PLEK: variants seen among roughly 807,000 people sequenced by gnomAD.
The protein encoded by PLEK is pleckstrin.
Under a neutral mutation model 43.9 loss-of-function variants are expected in PLEK, and 25 were observed. The observed-to-expected ratio is 0.57, with a 90% CI of 0.41 to 0.79. PLEK has a LOEUF of 0.79. PLEK is among the 30% of genes least tolerant of loss of function. The probability of loss-of-function intolerance (pLI) is 0.00; values close to 1 mark genes in which losing one functional copy is unlikely to be tolerated. For missense variants in PLEK, 396 were observed against 413.3 expected (o/e 0.96, Z 0.36); for synonymous variants, 152 against 144.4 (o/e 1.05, Z -0.38).
At chr2:68,393,445 A>G (rs1194606042) in intron 7 of PLEK, among the ~76,000 whole-genome samples, 200 bp downstream of exon 7, 1 of 152,070 alleles carries the variant, frequency 6.6e-6, no homozygotes, top group Non-Finnish European at 1.5e-5. Context: ...TGAGGTCAGT[A>G]TAAGCTTAGG....
At chr2:68,367,254 T>TC (rs755027804) in intron 1 of PLEK, among the ~76,000 whole-genome samples, 4 of 11,400 alleles carry the variant, frequency 3.5e-4, no homozygotes, top group East Asian at 0.011. Flanking sequence ...TAAGATTCTC[T>TC]TTTTTTTTTT....
At chr2:68,374,408 G>C (rs1023099571) in intron 1 of PLEK, among the ~76,000 whole-genome samples, 9 of 152,194 alleles carry the variant, frequency 5.9e-5, no homozygotes, top group Non-Finnish European at 1.3e-4. Flanking sequence ...GATTAAGTGA[G>C]AGAAGTAACT....
At chr2:68,394,939 G>A (rs1673936221) in intron 8 of PLEK, among the ~76,000 whole-genome samples, 1 of 152,166 alleles carries the variant, frequency 6.6e-6, no homozygotes, top group African/African-American at 2.4e-5. Flanking sequence ...AATGCCTAGA[G>A]TTTTACTGTG....
Position 68,380,833 on chromosome 2 carries a change from T to G in PLEK, c.309T>G (p.Ile103Met), listed in dbSNP as rs771275784. 3.6e-5 allele frequency: 58 copies of G among 1,613,932 alleles called. No homozygotes were observed. In the Admixed American group the frequency reaches 9.7e-4, roughly 27 times the overall value. ...VRDIKKAIKC[I>M]EGGQKFARKS... is the part of the protein sequence containing the mutation. ...ATATCAAGAAGGCCATTAAATGCAT[T>G]GAAGGAGGCCAGAAATTTGCCAGGA... The change falls in exon 3 of 9, where the codon ATT (isoleucine) becomes ATG (methionine). Residue 103 changes from isoleucine to methionine, a missense_variant. By Grantham distance (10) the Ile-to-Met change is conservative. Coordinates refer to ENST00000234313, the MANE Select transcript of PLEK (RefSeq NM_002664.3).
intron 5 of PLEK, 83 bp downstream of exon 5, chr2:68,386,769 T>C: frequency 9.3e-7 from 1 of 1,080,862 alleles, no homozygotes; most frequent in Admixed American, 2.0e-5. Context: ...CATAGACATC[T>C]ATAGAGCGCT....
intron 3 of PLEK, 74 bp from the exon 4 acceptor site, chr2:68,382,468 C>T: frequency 1.2e-6 from 1 of 850,340 alleles, no homozygotes; most frequent in Non-Finnish European, 1.9e-6. Context: ...ACTTACCATT[C>T]TGAAATGTTC....
At chr2:68,389,235 A>G (rs1364123962) in intron 6 of PLEK, among the ~76,000 whole-genome samples, 3 of 152,238 alleles carry the variant, frequency 2.0e-5, no homozygotes, top group African/African-American at 7.2e-5. Flanking sequence ...GCAGGAAGAC[A>G]TGAGAATATT....
chr2:68,367,177 C>T (rs1272670683), intron 1 of PLEK, among the ~76,000 whole-genome samples: 1 of 151,954 alleles, frequency 6.6e-6, no homozygotes, highest in African/African-American at 2.4e-5. Context: ...TTCATGTTTA[C>T]AAGTTACATC....
intron 1 of PLEK, among the ~76,000 whole-genome samples, chr2:68,378,406 G>A (rs1331281597): frequency 2.6e-5 from 4 of 152,128 alleles, no homozygotes; most frequent in Non-Finnish European, 4.4e-5. Flanking sequence ...GAGGCAGGCC[G>A]GATTCTTCAC....
intron 8 of PLEK, among the ~76,000 whole-genome samples, chr2:68,394,915 A>G (rs1673935870): frequency 6.6e-6 from 1 of 152,186 alleles, no homozygotes; most frequent in Non-Finnish European, 1.5e-5. Context: ...TGACAGGAAA[A>G]CATCATAACT....
chr2:68,380,523 G>T (rs751287437), intron 2 of PLEK, 40 bp downstream of exon 2: 6 of 1,594,662 alleles, frequency 3.8e-6, no homozygotes, highest in Non-Finnish European at 5.1e-6. Flanking sequence ...CCCTGGTCAG[G>T]CACTCAACTT....
At chr2:68,382,758 G>C (rs1181039719) in intron 4 of PLEK, 125 bp downstream of exon 4, 1 of 613,144 alleles carries the variant, frequency 1.6e-6, no homozygotes, top group East Asian at 2.6e-5. Flanking sequence ...ATGCAGCCTG[G>C]TGAGCCTGAG....
intron 1 of PLEK, among the ~76,000 whole-genome samples, chr2:68,377,066 C>G (rs187074223): frequency 2.0e-4 from 31 of 152,256 alleles, no homozygotes; most frequent in Non-Finnish European, 3.8e-4. Flanking sequence ...ACATAATGAT[C>G]TTCGGGTCCA....
At chr2:68,382,968 A>C (rs1673660393) in intron 4 of PLEK, among the ~76,000 whole-genome samples, 1 of 152,214 alleles carries the variant, frequency 6.6e-6, no homozygotes, top group South Asian at 2.1e-4. Context: ...TTACTACAAT[A>C]AACAGGGATT....
intron 6 of PLEK, among the ~76,000 whole-genome samples, chr2:68,389,269 G>A (rs547191217): frequency 6.4e-4 from 97 of 152,206 alleles, no homozygotes; most frequent in Non-Finnish European, 1.1e-3. Context: ...GTTGATACTT[G>A]CACAAGGCAT....
In PLEK at chr2:68,382,614, T is replaced by A; in HGVS notation, c.453T>A (p.Ile151=). The A allele has an allele frequency of 6.3e-7, 1 of 1,595,410 alleles. No homozygotes were observed. Among genetic ancestry groups the A allele is most frequent in the Non-Finnish European group, 8.6e-7 (1 of 1,163,086 alleles). The change falls in exon 4 of 9, where the codon ATT becomes ATA. Residue 151 remains isoleucine, a synonymous_variant. Coordinates refer to ENST00000234313, the MANE Select transcript of PLEK (RefSeq NM_002664.3). ...TGAATCTAGAGAAGGACAAGAAGAT[T>A]TTTAATCACTGCTTCACAGGTAAAA... The part of the protein sequence containing the change: ...KELNLEKDKK[I]FNHCFTGNCV...
At chr2:68,371,015 C>G (rs914740716) in intron 1 of PLEK, among the ~76,000 whole-genome samples, 14 of 152,068 alleles carry the variant, frequency 9.2e-5, no homozygotes, top group African/African-American at 3.1e-4. Context: ...TTTTGGCTTT[C>G]AAGCAAGCCC....
intron 5 of PLEK, among the ~76,000 whole-genome samples, chr2:68,387,210 T>A (rs1423937087): frequency 1.3e-5 from 2 of 152,188 alleles, no homozygotes; most frequent in Admixed American, 1.3e-4. Context: ...TTCACCATGT[T>A]GGCCAGGCTG....
chr2:68,395,900 C>T lies in PLEK; in HGVS notation c.*84C>T, dbSNP rs1334652856. ...GGACCTGTCCACTTCTGTGACAAAT[C>T]AACGGGAAACAGCCCAGGGGTGGGA... On this transcript the variant is annotated 3_prime_UTR_variant, in exon 9 of 9. Transcript: ENST00000234313. 8.2e-7 allele frequency: 1 copy of T among 1,224,592 alleles called. No homozygotes were observed. The highest frequency in any genetic ancestry group is 1.5e-5 in the African/African-American group (1 of 65,956). 75.9% of individuals were successfully genotyped at this position (1,224,592 alleles called of 1,614,324 possible).
Sources: gnomAD v4.1 joint callset for allele counts (sites outside exome capture counted in the v4.1 genomes callset) on GRCh38, gnomAD v4.1.1 for gene constraint, MANE v1.5 for transcripts, NCBI Gene and HGNC (gene_info 2026-07-23, HGNC 2026-07-21) for gene names.